Variants in POLH observed in about 807,000 individuals in gnomAD.
POLH encodes the protein DNA polymerase eta transcript.
A neutral mutation model predicts 73.6 loss-of-function variants in POLH; 53 were observed. The ratio of observed to expected loss-of-function variants is 0.72; its 90% CI spans 0.58 to 0.91. The LOEUF is 0.91. Ranked by LOEUF, POLH falls within the 40% of genes least tolerant of loss-of-function variation. The pLI is 0.00. For missense variants in POLH, 768 were observed against 865.4 expected (o/e 0.89, Z 1.41); for synonymous variants, 292 against 308.5 (o/e 0.95, Z 0.56).
At chr6:43,596,258 C>T (rs1766038622) in intron 4 of POLH, among the ~76,000 whole-genome samples, 1 of 152,152 alleles carries the variant, frequency 6.6e-6, no homozygotes, top group Non-Finnish European at 1.5e-5. Flanking sequence ...CCAAAGCGGG[C>T]AGATCACAAG....
rs1319217095 is a variant in POLH at position 43,620,333 on chromosome 6, C to G, written c.*5776C>G. On this transcript the variant is annotated 3_prime_UTR_variant, in exon 11 of 11. Coordinates refer to ENST00000372236, the MANE Select transcript of POLH (RefSeq NM_006502.3). ...TTGGTTACAATACTGGAACTCTGAACCTATGTGGAGGAGAGAAAAACAATG... is the reference window on the plus strand; with the variant it reads ...TTGGTTACAATACTGGAACTCTGAAGCTATGTGGAGGAGAGAAAAACAATG... The G allele has an allele frequency of 1.9e-6, 1 of 513,720 alleles. No homozygotes were observed. Among genetic ancestry groups the G allele is most frequent in the South Asian group, 1.4e-5 (1 of 70,478 alleles). The allele number at this position is 513,720 out of a possible 1,614,324, so 31.8% of individuals were successfully genotyped here.
chr6:43,607,752 G>T (rs1245270869), intron 9 of POLH, among the ~76,000 whole-genome samples: 2 of 152,196 alleles, frequency 1.3e-5, no homozygotes, highest in African/African-American at 4.8e-5. Flanking sequence ...ATTCTAGTGG[G>T]TGTGAAATGG....
Position 43,613,477 on chromosome 6 carries a change from A to C in POLH, c.1245-183A>C, listed in dbSNP as rs571803451. 7.9e-5 allele frequency among the ~76,000 whole-genome samples: 12 copies of C among 152,334 alleles called. No individual in the cohort carries two copies. In the East Asian group the frequency reaches 1.9e-3, roughly 24 times the overall value. On this transcript the variant is annotated intron_variant, in intron 10 of 10. Transcript: ENST00000372236. The stretch of plus-strand genomic sequence containing the variant: ...CCAGGTCTGTTAATCTCTGATACAC[A>C]TTAACGTTTGAGAACCACTGCAGTA...
At chr6:43,583,388 T>C (rs1441132052) in intron 3 of POLH, among the ~76,000 whole-genome samples, 4 of 152,218 alleles carry the variant, frequency 2.6e-5, no homozygotes, top group Non-Finnish European at 5.9e-5. Flanking sequence ...TTGTTCAAAA[T>C]TGGTTGTTAA....
At chr6:43,589,040 G>T (rs760101614) in intron 4 of POLH, among the ~76,000 whole-genome samples, 2 of 151,718 alleles carry the variant, frequency 1.3e-5, no homozygotes, top group African/African-American at 2.4e-5. Context: ...GGGTTTCACC[G>T]TGTTAGCCAA....
At chr6:43,602,649 C>A (rs1186286766) in intron 6 of POLH, among the ~76,000 whole-genome samples, 2 of 151,524 alleles carry the variant, frequency 1.3e-5, no homozygotes, top group African/African-American at 4.8e-5. Flanking sequence ...CAGGGAGCCT[C>A]AAAGGCTGGG....
intron 5 of POLH, among the ~76,000 whole-genome samples, chr6:43,598,201 CAAAA>C (rs560020212): frequency 4.1e-5 from 3 of 73,254 alleles, no homozygotes. Context: ...AGACTGTCAC[CAAAA>C]AAAAAAAAAA....
intron 1 of POLH, among the ~76,000 whole-genome samples, chr6:43,581,314 C>T (rs868476108): frequency 0.021 from 3,026 of 145,274 alleles, 61 homozygotes; most frequent in African/African-American, 0.073. Flanking sequence ...GGCAGAGACG[C>T]TCCTCACTTC....
intron 10 of POLH, among the ~76,000 whole-genome samples, chr6:43,611,303 G>C (rs1216165028): frequency 6.6e-6 from 1 of 152,180 alleles, no homozygotes; most frequent in South Asian, 2.1e-4. Flanking sequence ...ATACATTTGG[G>C]AACTTCAAAC....
At chr6:43,612,421 A>G (rs1767987317) in intron 10 of POLH, among the ~76,000 whole-genome samples, 1 of 149,326 alleles carries the variant, frequency 6.7e-6, no homozygotes, top group Non-Finnish European at 1.5e-5. Flanking sequence ...ATCTCGGCTC[A>G]CTGCAACCTC....
At chr6:43,603,490 G>A (rs925838499) in intron 6 of POLH, among the ~76,000 whole-genome samples, 1 of 151,898 alleles carries the variant, frequency 6.6e-6, no homozygotes, top group African/African-American at 2.4e-5. Flanking sequence ...TCAAACTCCT[G>A]GACTCAAGCA....
intron 1 of POLH, among the ~76,000 whole-genome samples, chr6:43,580,678 A>C (rs1449160279): frequency 2.9e-5 from 3 of 102,348 alleles, no homozygotes; most frequent in Non-Finnish European, 3.8e-5. Flanking sequence ...TGACCCCCCC[A>C]CCTCCCTCCC....
At chr6:43,599,637 GTT>G (rs931325176) in intron 5 of POLH, among the ~76,000 whole-genome samples, 2 of 143,768 alleles carry the variant, frequency 1.4e-5, no homozygotes, top group African/African-American at 5.1e-5. Flanking sequence ...TTTTTTTGGT[GTT>G]TTTTTTTTTC....
At chr6:43,610,839 T>C in intron 10 of POLH, 116 bp downstream of exon 10, 1 of 841,134 alleles carries the variant, frequency 1.2e-6, no homozygotes, top group South Asian at 1.4e-5. Context: ...TCACTCAAAT[T>C]TTCACATGAG....
At chr6:43,589,549 C>T (rs1765211962) in intron 4 of POLH, among the ~76,000 whole-genome samples, 1 of 151,892 alleles carries the variant, frequency 6.6e-6, no homozygotes, top group African/African-American at 2.4e-5. Context: ...AATCTTTGCC[C>T]ATTTTTCCAT....
chr6:43,614,567 C>A lies in POLH; in HGVS notation c.*10C>A, dbSNP rs1274336881. 1 of 1,607,990 alleles carries A rather than the reference C, an allele frequency of 6.2e-7. No individual in the cohort carries two copies. On this transcript the variant is annotated 3_prime_UTR_variant, in exon 11 of 11. Coordinates refer to ENST00000372236, the MANE Select transcript of POLH (RefSeq NM_006502.3). ...GCCATTAACACATTAGTGCTGCCCTCAGGCTTGCCTGTAGGATTTAATATT... is the reference window on the plus strand; with the variant it reads ...GCCATTAACACATTAGTGCTGCCCTAAGGCTTGCCTGTAGGATTTAATATT...
At chr6:43,608,224 G>A (rs148399767) in intron 9 of POLH, among the ~76,000 whole-genome samples, 12 of 152,272 alleles carry the variant, frequency 7.9e-5, no homozygotes, top group Non-Finnish European at 1.2e-4. Context: ...TGTCAGATAC[G>A]TGATTTGCAA....
At chr6:43,581,708 G>C (rs866022298) in intron 1 of POLH, among the ~76,000 whole-genome samples, 1 of 145,876 alleles carries the variant, frequency 6.9e-6, no homozygotes, top group Non-Finnish European at 1.5e-5. Flanking sequence ...TCGCGGCAGC[G>C]GCTCCGCTTC....
chr6:43,611,677 G>T (rs1195299921), intron 10 of POLH, among the ~76,000 whole-genome samples: 1 of 152,086 alleles, frequency 6.6e-6, no homozygotes, highest in African/African-American at 2.4e-5. Context: ...TAAAATCAAA[G>T]TTTAGTTAAT....
Sources: allele counts gnomAD v4.1 joint callset (sites outside exome capture counted in the v4.1 genomes callset), GRCh38; gene constraint gnomAD v4.1.1; transcripts MANE v1.5; gene names NCBI Gene and HGNC (gene_info 2026-07-23, HGNC 2026-07-21).